HOXC4: variants seen among roughly 807,000 people sequenced by gnomAD.
HOXC4 encodes homeobox C4.
Under a neutral mutation model 25.5 loss-of-function variants are expected in HOXC4, and 15 were observed. That is an observed-to-expected ratio of 0.59 (90% CI 0.39 to 0.91). HOXC4 has a LOEUF of 0.91. Ranked by LOEUF, HOXC4 falls within the 40% of genes least tolerant of loss-of-function variation. The probability of loss-of-function intolerance (pLI) is 0.00; values close to 1 mark genes in which losing one functional copy is unlikely to be tolerated. For synonymous variants in HOXC4, 165 were observed against 148.0 expected, an observed-to-expected ratio of 1.11 and a Z score of -0.83; for missense variants, 342 against 352.4, an observed-to-expected ratio of 0.97 and a Z score of 0.24.
chr12:54,040,579 T>TG (rs1423701429), intron 1 of HOXC4, among the ~76,000 whole-genome samples: 1 of 152,230 alleles, frequency 6.6e-6, no homozygotes, highest in Non-Finnish European at 1.5e-5. Flanking sequence ...TGTGAAGTTG[T>TG]GGGGGCATCC....
intron 1 of HOXC4, chr12:54,029,619 G>A (rs1306676034): frequency 1.3e-6 from 2 of 1,593,016 alleles, no homozygotes; most frequent in Non-Finnish European, 1.7e-6. Flanking sequence ...ACGCTTTGCT[G>A]ATTGCTTTTA....
intron 1 of HOXC4, among the ~76,000 whole-genome samples, chr12:54,022,960 C>T (rs953470603): frequency 3.3e-5 from 5 of 152,198 alleles, no homozygotes; most frequent in African/African-American, 1.2e-4. Context: ...ATGTGACATC[C>T]TCTTGAGGCC....
upstream of HOXC4, among the ~76,000 whole-genome samples, chr12:54,050,296 G>A (rs1260472661): frequency 2.0e-5 from 3 of 152,202 alleles, no homozygotes; most frequent in Admixed American, 1.3e-4. Context: ...GTACTGAAAC[G>A]TGTTTCCGAA....
At chr12:54,042,268 G>A (rs1263821427) in intron 1 of HOXC4, among the ~76,000 whole-genome samples, 1 of 152,182 alleles carries the variant, frequency 6.6e-6, no homozygotes, top group Non-Finnish European at 1.5e-5. Flanking sequence ...ATGAGCCACC[G>A]TGGCCAGCCC....
Position 54,054,310 on chromosome 12 carries a change from A to C in HOXC4, c.388A>C (p.Ser130Arg), listed in dbSNP as rs749499683. The change falls in exon 1 of 2, where the codon AGC (serine) becomes CGC (arginine). Residue 130 changes from serine (S) to arginine (R), a missense_variant. By Grantham distance (110) the Ser-to-Arg change is moderately radical. Transcript: ENST00000430889. ...PAPDHPSSAASKQPIVYPWMK... is the reference protein window; with the variant it reads ...PAPDHPSSAARKQPIVYPWMK... ...CCCCGACCATCCCTCCAGCGCCGCC[A>C]GCAAGCAACCCATAGTCTACCCATG... 1.3e-6 allele frequency: 2 copies of C among 1,501,478 alleles called. No homozygotes were observed. Among genetic ancestry groups the C allele is most frequent in the Non-Finnish European group, 1.8e-6 (2 of 1,119,964 alleles). 93.0% of individuals were successfully genotyped at this position (1,501,478 alleles called of 1,614,324 possible).
chr12:54,045,460 A>G (rs114231300), intron 1 of HOXC4, among the ~76,000 whole-genome samples: 198 of 152,306 alleles, frequency 1.3e-3, no homozygotes, highest in African/African-American at 4.5e-3. Context: ...GGAAAGAACT[A>G]TGTGTGTGTT....
chr12:54,041,966 T>A (rs547193435), intron 1 of HOXC4, among the ~76,000 whole-genome samples: 127 of 141,374 alleles, frequency 9.0e-4, no homozygotes, highest in Non-Finnish European at 1.4e-3. Context: ...CCCAGCCTTT[T>A]CTTTTCTTTT....
chr12:54,044,731 G>A (rs1937660377), intron 1 of HOXC4, among the ~76,000 whole-genome samples: 4 of 151,970 alleles, frequency 2.6e-5, no homozygotes, highest in African/African-American at 7.3e-5. Flanking sequence ...GTGTTTGTGT[G>A]TGTGTGTGTG....
intron 1 of HOXC4, among the ~76,000 whole-genome samples, chr12:54,024,765 A>G (rs1940615268): frequency 1.3e-5 from 2 of 152,046 alleles, no homozygotes; most frequent in Non-Finnish European, 2.9e-5. Flanking sequence ...GCCTAGGGAA[A>G]TCCCCAAGTG....
Position 54,033,947 on chromosome 12 carries a change from C to A in HOXC4, c.-124+16533C>A, listed in dbSNP as rs915371420. 4 of 482,852 alleles carry A rather than the reference C, an allele frequency of 8.3e-6. No individual in the cohort carries two copies. The Admixed American group carries it at 8.8e-5, about 11-fold the overall frequency. 29.9% of individuals were successfully genotyped at this position (482,852 alleles called of 1,614,324 possible). A position where few individuals can be genotyped will look rare whatever the true frequency, so the allele number is the denominator to read the frequency against. On this transcript the variant is annotated intron_variant, in intron 1 of 3. Transcript: ENST00000303406. Reference sequence around the variant, plus strand: ...CGCTTGCGGCTCCGGAGGATTCCAGCGACTCGGGAGGGGCGGGAGGGGGGT... The same window carrying A: ...CGCTTGCGGCTCCGGAGGATTCCAGAGACTCGGGAGGGGCGGGAGGGGGGT...
intron 1 of HOXC4, chr12:54,034,165 G>A: frequency 9.5e-7 from 1 of 1,047,800 alleles, no homozygotes; most frequent in Non-Finnish European, 1.5e-6. Context: ...CTGTCTTGCG[G>A]CTCTCGCCTC....
chr12:54,029,911 C>A, intron 1 of HOXC4: 1 of 1,605,690 alleles, frequency 6.2e-7, no homozygotes, highest in Non-Finnish European at 8.5e-7. Context: ...ACAGCCTGGG[C>A]GGAAAAGAGG....
At chr12:54,039,088 A>G (rs1366094738) in intron 1 of HOXC4, among the ~76,000 whole-genome samples, 2 of 152,124 alleles carry the variant, frequency 1.3e-5, no homozygotes, top group East Asian at 1.9e-4. Context: ...CTGGCCAGCC[A>G]TGAATAGCCA....
intron 1 of HOXC4, among the ~76,000 whole-genome samples, chr12:54,019,685 G>A (rs1940341830): frequency 6.6e-6 from 1 of 152,144 alleles, no homozygotes; most frequent in Admixed American, 6.5e-5. Flanking sequence ...CACCCGAGGG[G>A]CGGGCCTGGG....
At chr12:54,017,891 C>G (rs952172012) in intron 1 of HOXC4, among the ~76,000 whole-genome samples, 1 of 152,156 alleles carries the variant, frequency 6.6e-6, no homozygotes, top group Non-Finnish European at 1.5e-5. Context: ...TCCAGCTTCC[C>G]CTCCCTGTCT....
At chr12:54,025,106 G>A (rs1353550585) in intron 1 of HOXC4, among the ~76,000 whole-genome samples, 1 of 152,158 alleles carries the variant, frequency 6.6e-6, no homozygotes. Flanking sequence ...ATGGGGTTGG[G>A]GGGTAGTGTT....
chr12:54,053,861 G>C lies in HOXC4; in HGVS notation c.-62G>C. The C allele has an allele frequency of 1.5e-6, 2 of 1,345,444 alleles. No individual in the cohort carries two copies. The highest frequency in any genetic ancestry group is 1.3e-5 in the South Asian group (1 of 76,508). The allele number at this position is 1,345,444 out of a possible 1,614,324, so 83.3% of individuals were successfully genotyped here. A position where few individuals can be genotyped will look rare whatever the true frequency, so the allele number is the denominator to read the frequency against. ...ACTTTACAGGGTCGCTAGCTAGTAGGAGGGCTTTATGGAGCAGAAAAACGA... is the reference window on the plus strand; with the variant it reads ...ACTTTACAGGGTCGCTAGCTAGTAGCAGGGCTTTATGGAGCAGAAAAACGA... On this transcript the variant is annotated 5_prime_UTR_variant, in exon 1 of 2. Transcript: ENST00000430889.
intron 1 of HOXC4, among the ~76,000 whole-genome samples, chr12:54,031,843 A>AC (rs1300604320): frequency 1.3e-5 from 2 of 152,094 alleles, no homozygotes; most frequent in Non-Finnish European, 2.9e-5. Context: ...TGCGAAGGCT[A>AC]CCCAGGCGCC....
intron 1 of HOXC4, chr12:54,028,822 G>T: frequency 6.2e-7 from 1 of 1,614,056 alleles, no homozygotes; most frequent in South Asian, 1.1e-5. Context: ...GACCTCAATC[G>T]CTCAGGATTT....
Sources: gnomAD v4.1 joint callset for allele counts (sites outside exome capture counted in the v4.1 genomes callset) on GRCh38, gnomAD v4.1.1 for gene constraint, MANE v1.5 for transcripts, NCBI Gene and HGNC (gene_info 2026-07-23, HGNC 2026-07-21) for gene names.